Variants in NXPE3 observed in about 807,000 individuals in gnomAD.
NXPE3 encodes the protein neurexophilin and PC-esterase domain family member 3.
In NXPE3, 26 loss-of-function variants were observed where a neutral mutation model predicts 46.1. The ratio of observed to expected loss-of-function variants is 0.56; its 90% CI spans 0.41 to 0.78. NXPE3 has a LOEUF of 0.78. Ranked by LOEUF, NXPE3 falls within the 30% of genes least tolerant of loss-of-function variation. NXPE3 has a pLI of 0.00. For synonymous variants in NXPE3, 272 were observed against 257.9 expected (o/e 1.05, Z -0.52); for missense variants, 620 against 686.0 (o/e 0.90, Z 1.07).
chr3:101,821,015 A>G (rs890639406), intron 7 of NXPE3, among the ~76,000 whole-genome samples: 2 of 152,166 alleles, frequency 1.3e-5, no homozygotes, highest in Non-Finnish European at 2.9e-5. Flanking sequence ...AAATAAAAGT[A>G]AAAAAACCCA....
chr3:101,794,630 T>C (rs1009808870), intron 4 of NXPE3, among the ~76,000 whole-genome samples: 11 of 152,198 alleles, frequency 7.2e-5, no homozygotes, highest in Non-Finnish European at 1.6e-4. Context: ...AATGTGTGTG[T>C]TAATTTTATC....
chr3:101,785,839 G>T, intron 4 of NXPE3, 150 bp downstream of exon 4: 1 of 648,856 alleles, frequency 1.5e-6, no homozygotes. Context: ...TGCTCACAAT[G>T]GTTATATACG....
At chr3:101,816,481 C>T (rs977103897) in intron 6 of NXPE3, among the ~76,000 whole-genome samples, 1 of 151,846 alleles carries the variant, frequency 6.6e-6, no homozygotes, top group Non-Finnish European at 1.5e-5. Context: ...TCCATGTGTT[C>T]TCATTGTTCA....
At chr3:101,794,574 T>C (rs931557275) in intron 4 of NXPE3, among the ~76,000 whole-genome samples, 11 of 152,200 alleles carry the variant, frequency 7.2e-5, no homozygotes, top group African/African-American at 2.7e-4. Flanking sequence ...GGACAATAAA[T>C]TTCAAGACCT....
At position 101,821,969 on chromosome 3, in the gene NXPE3, G is replaced by T; in HGVS notation, c.*15G>T. 6.2e-7 allele frequency: 1 copy of T among 1,603,854 alleles called. No homozygotes were observed. The highest frequency in any genetic ancestry group is 1.1e-5 in the South Asian group (1 of 90,400). ...TGGAAACCTAGCCTGTCTTGGAAGGGACTGGAGGAATCATATTCAATGACC... is the reference window on the plus strand; with the variant it reads ...TGGAAACCTAGCCTGTCTTGGAAGGTACTGGAGGAATCATATTCAATGACC... On this transcript the variant is annotated 3_prime_UTR_variant, in exon 8 of 8. Transcript: ENST00000273347.
intron 4 of NXPE3, among the ~76,000 whole-genome samples, chr3:101,789,971 G>A (rs1356072239): frequency 6.6e-6 from 1 of 152,150 alleles, no homozygotes; most frequent in African/African-American, 2.4e-5. Flanking sequence ...GAATACAGGT[G>A]TGAGCCACTG....
chr3:101,814,110 T>C (rs186737044), intron 6 of NXPE3, among the ~76,000 whole-genome samples: 10 of 152,362 alleles, frequency 6.6e-5, no homozygotes, highest in African/African-American at 2.2e-4. Flanking sequence ...ATAACACATA[T>C]TTGACACAGA....
rs764266364 is a variant in NXPE3, at chr3:101,821,837, C to T, written c.1563C>T (p.Val521=). The change falls in exon 8 of 8, where the codon GTC becomes GTT. Residue 521 remains valine, a synonymous_variant. Coordinates refer to ENST00000273347, the MANE Select transcript of NXPE3 (RefSeq NM_145037.4). ...TCTCAGGGGTTGGAGTATATCTCGTCGATGCCTGGGAGATGACCCTGGCCC... is the reference window on the plus strand; with the variant it reads ...TCTCAGGGGTTGGAGTATATCTCGTTGATGCCTGGGAGATGACCCTGGCCC... ...RMFSGVGVYL[V]DAWEMTLAHY... The T allele has an allele frequency of 1.5e-5, 24 of 1,614,102 alleles. No individual in the cohort carries two copies. The Middle Eastern group carries it at 4.9e-4, about 33-fold the overall frequency.
chr3:101,785,718 T>C (rs777773030), intron 4 of NXPE3, 29 bp downstream of exon 4: 7 of 1,585,660 alleles, frequency 4.4e-6, no homozygotes, highest in East Asian at 4.5e-5. Context: ...CCCTCATAAC[T>C]AAGGGAGCCG....
Position 101,822,065 on chromosome 3 carries a change from C to G in NXPE3, c.*111C>G. ...ACTGCCCTTAATAAGTATAAAATTT[C>G]AAAAAGATCTGGACTTAATATGATG... On this transcript the variant is annotated 3_prime_UTR_variant, in exon 8 of 8. Coordinates refer to ENST00000273347, the MANE Select transcript of NXPE3 (RefSeq NM_145037.4). The G allele has an allele frequency of 1.1e-6, 1 of 939,404 alleles. No homozygotes were observed. The highest frequency in any genetic ancestry group is 1.6e-6 in the Non-Finnish European group (1 of 627,000). 58.2% of individuals were successfully genotyped at this position (939,404 alleles called of 1,614,324 possible). A position where few individuals can be genotyped will look rare whatever the true frequency, so the allele number is the denominator to read the frequency against.
intron 1 of NXPE3, among the ~76,000 whole-genome samples, chr3:101,780,246 C>T (rs549821843): frequency 2.0e-5 from 3 of 152,222 alleles, no homozygotes; most frequent in East Asian, 3.9e-4. Context: ...ACTATTTCTC[C>T]GTAGTGTTTG....
At chr3:101,814,833 T>C (rs1166015782) in intron 6 of NXPE3, among the ~76,000 whole-genome samples, 1 of 152,202 alleles carries the variant, frequency 6.6e-6, no homozygotes, top group Non-Finnish European at 1.5e-5. Flanking sequence ...ACATCTGTTT[T>C]TGAGAAGTGA....
intron 4 of NXPE3, among the ~76,000 whole-genome samples, chr3:101,793,984 T>A (rs1940672602): frequency 6.6e-6 from 1 of 151,894 alleles, no homozygotes; most frequent in Admixed American, 6.6e-5. Context: ...GCCTGGAAAC[T>A]CTCTCAAGAC....
At chr3:101,793,409 T>A (rs1940628053) in intron 4 of NXPE3, among the ~76,000 whole-genome samples, 1 of 152,234 alleles carries the variant, frequency 6.6e-6, no homozygotes, top group Admixed American at 6.5e-5. Context: ...TAAAACAGGT[T>A]TCTTCTAGCT....
In NXPE3 at chr3:101,821,765, C is replaced by T; in HGVS notation, c.1491C>T (p.Asn497=). Residue 497 remains asparagine, a synonymous_variant, in exon 8 of 8, where the codon AAC becomes AAT. Coordinates refer to ENST00000273347, the MANE Select transcript of NXPE3 (RefSeq NM_145037.4). ...TGGGACCTGAGGTGAGCCTTTTCAA[C>T]AGCGACTGGTACAACTTTCAGCTGG... ...QELGPEVSLF[N]SDWYNFQLDT... 6.2e-7 allele frequency: 1 copy of T among 1,614,226 alleles called. No individual in the cohort carries two copies. The highest frequency in any genetic ancestry group is 1.1e-5 in the South Asian group (1 of 91,082).
rs1350026887 is a variant in NXPE3, at chr3:101,826,288, A to G, written c.*4334A>G. The stretch of plus-strand genomic sequence containing the variant: ...TGATGACTGAGAGAGGTACAGGGAA[A>G]TAAACACCCAAGGGAAACAACAGAA... On this transcript the variant is annotated 3_prime_UTR_variant, in exon 8 of 8. Coordinates refer to ENST00000273347, the MANE Select transcript of NXPE3 (RefSeq NM_145037.4). 1 of 152,206 alleles carries G rather than the reference A, an allele frequency of 6.6e-6. No homozygotes were observed. Among genetic ancestry groups the G allele is most frequent in the African/African-American group, 2.4e-5 (1 of 41,460 alleles). 9.4% of individuals were successfully genotyped at this position (152,206 alleles called of 1,614,324 possible). A position where few individuals can be genotyped will look rare whatever the true frequency, so the allele number is the denominator to read the frequency against.
At chr3:101,818,183 C>T (rs1464083571) in intron 7 of NXPE3, among the ~76,000 whole-genome samples, 1 of 152,158 alleles carries the variant, frequency 6.6e-6, no homozygotes, top group African/African-American at 2.4e-5. Flanking sequence ...CTGGCCTCAA[C>T]TTAGTTTTAA....
intron 5 of NXPE3, among the ~76,000 whole-genome samples, chr3:101,805,455 G>A (rs1192653026): frequency 1.3e-5 from 2 of 150,732 alleles, no homozygotes; most frequent in African/African-American, 2.4e-5. Context: ...TTGAGATAGG[G>A]TGTCGCTTTG....
At chr3:101,802,784 G>A (rs1316382490) in intron 5 of NXPE3, among the ~76,000 whole-genome samples, 1 of 151,950 alleles carries the variant, frequency 6.6e-6, no homozygotes, top group Non-Finnish European at 1.5e-5. Context: ...ATAATGTGCA[G>A]AAAGGAATAT....
Sources: allele counts gnomAD v4.1 joint callset (sites outside exome capture counted in the v4.1 genomes callset), GRCh38; gene constraint gnomAD v4.1.1; transcripts MANE v1.5; gene names NCBI Gene and HGNC (gene_info 2026-07-23, HGNC 2026-07-21).